Variants in CFAP47 observed in about 807,000 individuals in gnomAD.
The protein encoded by CFAP47 is cilia and flagella associated protein 47.
CFAP47 carries 29 observed loss-of-function variants against 148.1 expected under a neutral mutation model. The ratio of observed to expected loss-of-function variants is 0.20; its 90% CI spans 0.15 to 0.27. CFAP47 has a LOEUF of 0.27. Among genes scored for constraint, CFAP47 ranks in the 10% least tolerant of loss-of-function variants. The pLI is 1.00. For missense variants in CFAP47, 1,872 were observed against 1,697.5 expected, an observed-to-expected ratio of 1.10 and a Z score of -1.81; for synonymous variants, 664 against 577.3, an observed-to-expected ratio of 1.15 and a Z score of -2.15.
intron 18 of CFAP47, among the ~76,000 whole-genome samples, chrX:35,995,075 A>G (rs745584788): frequency 5.4e-5 from 6 of 111,748 alleles, no homozygotes; most frequent in Admixed American, 9.6e-5. Flanking sequence ...GGTATATCTA[A>G]AAGACACCTG....
chrX:36,228,962 T>C, intron 46 of CFAP47, 138 bp downstream of exon 46: 1 of 431,173 alleles, frequency 2.3e-6, no homozygotes, highest in Non-Finnish European at 4.1e-6. Context: ...CATATTTATG[T>C]CAGAATCTCT....
intron 2 of CFAP47, among the ~76,000 whole-genome samples, chrX:35,934,701 AC>A (rs1935884300): frequency 9.0e-6 from 1 of 110,765 alleles, no homozygotes; most frequent in Admixed American, 9.6e-5. Context: ...TCCAAGTGTC[AC>A]CCAAGGCCCA....
chrX:36,302,573 G>A (rs1337072926), intron 53 of CFAP47, among the ~76,000 whole-genome samples: 1 of 111,697 alleles, frequency 9.0e-6, no homozygotes, highest in Non-Finnish European at 1.9e-5. Flanking sequence ...AAAGAGATAT[G>A]AAAAACTGTA....
At position 36,241,475 on chromosome X, in the gene CFAP47, T is replaced by G. The variant is rs782541864; in HGVS notation, c.7332+4616T>G. On this transcript the variant is annotated intron_variant, in intron 48 of 63. Coordinates refer to ENST00000378653, the MANE Select transcript of CFAP47 (RefSeq NM_001304548.2). ...GCCAGCATCTCCCAGGGCACCTGCC[T>G]GGCTGCCCCACAGAAGTGTGTGCAC... Among the ~76,000 whole-genome samples the G allele has an allele frequency of 1.6e-3, 174 of 111,966 alleles. 1 individual carries two copies. The highest frequency in any genetic ancestry group is 5.2e-3 in the African/African-American group (160 of 30,831).
chrX:36,323,092 T>C (rs1357473460), intron 57 of CFAP47, among the ~76,000 whole-genome samples: 7 of 110,950 alleles, frequency 6.3e-5, no homozygotes, highest in Non-Finnish European at 1.3e-4. Context: ...TGTTCCTACA[T>C]TAACATAGAA....
intron 40 of CFAP47, among the ~76,000 whole-genome samples, chrX:36,181,570 A>G (rs1396369441): frequency 9.0e-6 from 1 of 111,687 alleles, no homozygotes; most frequent in Non-Finnish European, 1.9e-5. Context: ...TTATAATGCT[A>G]TACTTCCTTA....
chrX:36,086,393 T>G (rs1938088688), intron 30 of CFAP47, among the ~76,000 whole-genome samples: 1 of 111,811 alleles, frequency 8.9e-6, no homozygotes, highest in African/African-American at 3.2e-5. Flanking sequence ...AAATGGCATT[T>G]ATCACTTATA....
intron 8 of CFAP47, among the ~76,000 whole-genome samples, chrX:35,956,552 A>G (rs145120055): frequency 8.5e-4 from 96 of 112,443 alleles, no homozygotes; most frequent in African/African-American, 3.0e-3. Flanking sequence ...CAGAATGTTT[A>G]CTTCTAACCA....
chrX:36,374,268 G>A lies in CFAP47; in HGVS notation c.9186-5082G>A, dbSNP rs193214279. 9.8e-4 allele frequency among the ~76,000 whole-genome samples: 108 copies of A among 110,384 alleles called. 1 individual carries two copies. The highest frequency in any genetic ancestry group is 3.3e-3 in the African/African-American group (102 of 30,498). ...TCTATTCCTTATTAGTTCAATCTTG[G>A]TAGGTTATATATTTCTAGAAATATA... On this transcript the variant is annotated intron_variant, in intron 62 of 63. Transcript: ENST00000378653.
intron 49 of CFAP47, among the ~76,000 whole-genome samples, chrX:36,268,175 C>T (rs1300567740): frequency 8.8e-6 from 1 of 113,433 alleles, no homozygotes; most frequent in African/African-American, 3.2e-5. Flanking sequence ...GCCTCCAGGC[C>T]AATTTCTGGC....
chrX:36,067,902 C>T (rs1232342758), intron 27 of CFAP47, among the ~76,000 whole-genome samples: 2 of 110,873 alleles, frequency 1.8e-5, no homozygotes, highest in South Asian at 3.8e-4. Context: ...CCGCCCACCT[C>T]GGCCTCCCAA....
intron 25 of CFAP47, among the ~76,000 whole-genome samples, chrX:36,039,596 T>A (rs1937379262): frequency 8.9e-6 from 1 of 112,304 alleles, no homozygotes; most frequent in South Asian, 3.7e-4. Context: ...AGTGTCTCAA[T>A]AAGCAGAAGT....
intron 37 of CFAP47, among the ~76,000 whole-genome samples, chrX:36,153,476 G>C (rs781676856): frequency 9.0e-6 from 1 of 111,716 alleles, no homozygotes; most frequent in Admixed American, 9.5e-5. Context: ...CTATGCCTGG[G>C]TCTTGTGGTT....
chrX:36,284,861 T>G (rs1300113997), intron 50 of CFAP47, among the ~76,000 whole-genome samples: 1 of 111,353 alleles, frequency 9.0e-6, no homozygotes, highest in African/African-American at 3.3e-5. Flanking sequence ...AGCCATGACC[T>G]AGTTCAACAC....
At chrX:36,316,200 A>G (rs782519975) in intron 56 of CFAP47, among the ~76,000 whole-genome samples, 226 of 112,012 alleles carry the variant, frequency 2.0e-3, no homozygotes, top group Middle Eastern at 4.6e-3. Flanking sequence ...GTAAAGGATT[A>G]CAGGAAAGAC....
intron 35 of CFAP47, chrX:36,144,563 G>A: frequency 1.0e-6 from 1 of 999,545 alleles, no homozygotes; most frequent in Admixed American, 2.6e-5. Context: ...GTTTCTAGGT[G>A]TGTCTGAGGG....
At chrX:36,284,640 T>C (rs1941113397) in intron 50 of CFAP47, among the ~76,000 whole-genome samples, 1 of 111,612 alleles carries the variant, frequency 9.0e-6, no homozygotes, top group Admixed American at 9.6e-5. Context: ...ATGCAAAACA[T>C]ATACTCATGA....
intron 29 of CFAP47, among the ~76,000 whole-genome samples, chrX:36,084,634 T>C (rs1391056578): frequency 8.9e-6 from 1 of 111,781 alleles, no homozygotes; most frequent in Non-Finnish European, 1.9e-5. Context: ...ATTTAATAAA[T>C]TATAGACAGC....
At chrX:36,348,090 T>C in intron 57 of CFAP47, 39 bp from the exon 58 acceptor site, 2 of 797,888 alleles carry the variant, frequency 2.5e-6, no homozygotes, top group Non-Finnish European at 3.3e-6. Context: ...AGTCTGTTAA[T>C]ATTTACCATA....
Sources: gnomAD v4.1 joint callset for allele counts (sites outside exome capture counted in the v4.1 genomes callset) on GRCh38, gnomAD v4.1.1 for gene constraint, MANE v1.5 for transcripts, NCBI Gene and HGNC (gene_info 2026-07-23, HGNC 2026-07-21) for gene names.